The following MYCBP2 variants were observed in gnomAD, a reference collection of about 807,000 sequenced individuals.
The protein encoded by MYCBP2 is E3 ubiquitin-protein ligase MYCBP2.
A neutral mutation model predicts 525.3 loss-of-function variants in MYCBP2; 120 were observed. The ratio of observed to expected loss-of-function variants is 0.23; its 90% CI spans 0.20 to 0.27. The LOEUF is 0.27. Among genes scored for constraint, MYCBP2 ranks in the 10% least tolerant of loss-of-function variants. The probability of loss-of-function intolerance (pLI) is 1.00; values close to 1 mark genes in which losing one functional copy is unlikely to be tolerated. For synonymous variants in MYCBP2, 1,894 were observed against 1,955.8 expected, an observed-to-expected ratio of 0.97 and a Z score of 0.83; for missense variants, 4,149 against 5,657.1, an observed-to-expected ratio of 0.73 and a Z score of 8.55.
chr13:77,250,486 G>T (rs1297663137), intron 15 of MYCBP2, among the ~76,000 whole-genome samples: 1 of 152,096 alleles, frequency 6.6e-6, no homozygotes, highest in Non-Finnish European at 1.5e-5. Flanking sequence ...ATCACACAAA[G>T]AATATCCCAT....
At chr13:77,277,613 G>A (rs1159876644) in intron 4 of MYCBP2, among the ~76,000 whole-genome samples, 1 of 152,168 alleles carries the variant, frequency 6.6e-6, no homozygotes, top group East Asian at 1.9e-4. Context: ...CGGAAAAAAA[G>A]GACCAAGTTT....
chr13:77,093,682 A>G (rs2045787490), intron 58 of MYCBP2, among the ~76,000 whole-genome samples: 1 of 152,066 alleles, frequency 6.6e-6, no homozygotes, highest in African/African-American at 2.4e-5. Flanking sequence ...ATCATCTTTC[A>G]AGCCCATGAT....
At chr13:77,294,380 G>A (rs1038569006) in intron 2 of MYCBP2, among the ~76,000 whole-genome samples, 1 of 151,726 alleles carries the variant, frequency 6.6e-6, no homozygotes, top group East Asian at 1.9e-4. Context: ...TACTCAGCAT[G>A]CAATTAATGT....
chr13:77,281,855 T>C (rs951852120), intron 3 of MYCBP2, among the ~76,000 whole-genome samples: 2 of 152,218 alleles, frequency 1.3e-5, no homozygotes, highest in Non-Finnish European at 2.9e-5. Flanking sequence ...CCCTTAAAAA[T>C]TGTATCTTGT....
intron 67 of MYCBP2, 70 bp downstream of exon 67, chr13:77,077,078 T>C: frequency 1.3e-6 from 2 of 1,538,456 alleles, no homozygotes; most frequent in Non-Finnish European, 1.7e-6. Context: ...TTTCACAAAA[T>C]ATTTTGTTAC....
chr13:77,214,554 C>T (rs1213671169), intron 21 of MYCBP2, among the ~76,000 whole-genome samples: 1 of 152,004 alleles, frequency 6.6e-6, no homozygotes, highest in African/African-American at 2.4e-5. Context: ...AGGCTATTAC[C>T]TTTAAAAAAC....
intron 49 of MYCBP2, among the ~76,000 whole-genome samples, chr13:77,143,748 C>T (rs2055059996): frequency 6.6e-6 from 1 of 152,140 alleles, no homozygotes; most frequent in Non-Finnish European, 1.5e-5. Context: ...TTAAGCAAAC[C>T]TAGATGGTAC....
chr13:77,064,623 T>C lies in MYCBP2; in HGVS notation c.12664A>G (p.Thr4222Ala). 6.2e-7 allele frequency: 1 copy of C among 1,610,802 alleles called. No homozygotes were observed. Among genetic ancestry groups the C allele is most frequent in the South Asian group, 1.1e-5 (1 of 90,700 alleles). Residue 4222 changes from threonine to alanine, a missense_variant, in exon 73 of 83, where the codon ACA becomes GCA. Physicochemically the swap from Thr to Ala is moderately conservative, Grantham distance 58. Around this residue, in one of 21 missense-constraint regions of MYCBP2, gnomAD observed 148 missense variants for 179.4 expected, o/e 0.82. Coordinates refer to ENST00000544440, the MANE Select transcript of MYCBP2 (RefSeq NM_015057.5). ...AACAAAGCAAAACCTACTCTAGTTG[T>C]TGCAATACATCTCACTGGAGACCTA... ...EFRSPVRCIA[T>A]TRLWLALASL...
chr13:77,169,539 A>C, intron 39 of MYCBP2, 75 bp downstream of exon 39: 1 of 1,328,264 alleles, frequency 7.5e-7, no homozygotes. Flanking sequence ...GTTTTTGTAA[A>C]GACAAGACAC....
At chr13:77,294,113 TATATATATATATATATAC>T (rs1415378006) in intron 2 of MYCBP2, among the ~76,000 whole-genome samples, 14 of 52,894 alleles carry the variant, frequency 2.6e-4, no homozygotes, top group Admixed American at 6.0e-4. Flanking sequence ...GCTATATATA[TATATATATATATATATAC>T]ATATATATAT....
chr13:77,187,639 T>C (rs1018366516), intron 30 of MYCBP2, among the ~76,000 whole-genome samples: 1 of 152,162 alleles, frequency 6.6e-6, no homozygotes, highest in African/African-American at 2.4e-5. Context: ...CCATGATATA[T>C]AATACGAAAT....
At position 77,051,226 on chromosome 13, in the gene MYCBP2, T is replaced by C. The variant is rs188895958; in HGVS notation, c.13756-64A>G. 3.0e-4 allele frequency: 433 copies of C among 1,442,886 alleles called. 5 individuals are homozygous for C. In the East Asian group the frequency reaches 9.5e-3, roughly 31 times the overall value. 89.4% of individuals were successfully genotyped at this position (1,442,886 alleles called of 1,614,324 possible). A position where few individuals can be genotyped will look rare whatever the true frequency, so the allele number is the denominator to read the frequency against. ...GAGACTATTTCAATCACACTTAAGA[T>C]AGGCATATACATAGACAGCTCCTTA... On this transcript the variant is annotated intron_variant, in intron 81 of 82. Coordinates refer to ENST00000544440, the MANE Select transcript of MYCBP2 (RefSeq NM_015057.5).
In MYCBP2 at chr13:77,185,154, A is replaced by C. The variant is rs769031871; in HGVS notation, c.4668T>G (p.Thr1556=). The C allele has an allele frequency of 6.2e-7, 1 of 1,614,130 alleles. No homozygotes were observed. The highest frequency in any genetic ancestry group is 1.1e-5 in the South Asian group (1 of 91,076). Residue 1556 remains threonine, a synonymous_variant, in exon 32 of 83, where the codon ACT becomes ACG. Coordinates refer to ENST00000544440, the MANE Select transcript of MYCBP2 (RefSeq NM_015057.5). ...AAAGGCAAGCCCACTGTAAGGCAGG[A>C]GTTGGGTAGAAAGAATGAAAGCAGG... is the stretch of plus-strand genomic sequence containing the variant. The part of the protein sequence containing the change: ...FTACFHSFYP[T]PALQWACLCD...
chr13:77,100,072 T>C (rs2046834170), intron 55 of MYCBP2: 1 of 152,056 alleles, frequency 6.6e-6, no homozygotes, highest in Non-Finnish European at 1.5e-5. Context: ...GGGTTTCAAG[T>C]GGTATAAAAA....
At chr13:77,125,490 G>C (rs1244377028) in intron 53 of MYCBP2, 22 bp from the exon 54 acceptor site, 5 of 1,611,902 alleles carry the variant, frequency 3.1e-6, no homozygotes, top group Admixed American at 3.3e-5. Flanking sequence ...CAAAAAGCAT[G>C]ATTGATTGGC....
At chr13:77,212,344 A>G (rs1364995512) in intron 21 of MYCBP2, among the ~76,000 whole-genome samples, 184 bp from the exon 22 acceptor site, 1 of 152,206 alleles carries the variant, frequency 6.6e-6, no homozygotes, top group Non-Finnish European at 1.5e-5. Flanking sequence ...AAGTAATAAA[A>G]TAATTTCTAT....
chr13:77,122,608 T>C (rs1466874570), intron 54 of MYCBP2, among the ~76,000 whole-genome samples: 1 of 146,838 alleles, frequency 6.8e-6, no homozygotes, highest in African/African-American at 2.6e-5. Context: ...GAGAATGGCA[T>C]GAACCTGGGA....
At chr13:77,319,624 A>G (rs1189404840) in intron 1 of MYCBP2, among the ~76,000 whole-genome samples, 1 of 152,068 alleles carries the variant, frequency 6.6e-6, no homozygotes, top group African/African-American at 2.4e-5. Context: ...CCATCTGATG[A>G]TTGTCCTCAT....
chr13:77,185,396 A>G lies in MYCBP2; in HGVS notation c.4445-19T>C, dbSNP rs770874545. 4 of 1,598,286 alleles carry G rather than the reference A, an allele frequency of 2.5e-6. No homozygotes were observed. The highest frequency in any genetic ancestry group is 3.4e-6 in the Non-Finnish European group (4 of 1,171,728). On this transcript the variant is annotated intron_variant, in intron 31 of 82. Coordinates refer to ENST00000544440, the MANE Select transcript of MYCBP2 (RefSeq NM_015057.5). ...CCTGTAGCTTTGAGGGGGAAAAAGC[A>G]GATTGGTAATTAAGCAAAATATTAA...
Sources: allele counts gnomAD v4.1 joint callset (sites outside exome capture counted in the v4.1 genomes callset), GRCh38; gene constraint gnomAD v4.1.1; regional missense constraint gnomAD v4.1.1; transcripts MANE v1.5; gene names NCBI Gene and HGNC (gene_info 2026-07-23, HGNC 2026-07-21).